PTPN9: variants seen among roughly 807,000 people sequenced by gnomAD.
PTPN9 encodes protein tyrosine phosphatase non-receptor type 9.
In PTPN9, 26 loss-of-function variants were observed where a neutral mutation model predicts 69.8. The ratio of observed to expected loss-of-function variants is 0.37; its 90% CI spans 0.27 to 0.52. PTPN9 has a LOEUF of 0.52. Ranked by LOEUF, PTPN9 falls within the 20% of genes least tolerant of loss-of-function variation. The pLI, the probability that PTPN9 is intolerant of heterozygous loss-of-function variation, is 0.91. For missense variants in PTPN9, 549 were observed against 740.3 expected (o/e 0.74, Z 3.00); for synonymous variants, 274 against 272.5 (o/e 1.01, Z -0.05).
At chr15:75,501,905 C>T (rs542483655) in intron 7 of PTPN9, among the ~76,000 whole-genome samples, 1 of 152,208 alleles carries the variant, frequency 6.6e-6, no homozygotes, top group South Asian at 2.1e-4. Flanking sequence ...CACCTGTAAT[C>T]CCAACACTTT....
rs71140170 is a variant in PTPN9, at chr15:75,547,294, C to CA, written c.64-20034dup. On this transcript the variant is annotated intron_variant, in intron 1 of 12. Coordinates refer to ENST00000618819, the MANE Select transcript of PTPN9 (RefSeq NM_002833.4). ...TGGCCGACAGAGCAAGACTCTGTCT[C>CA]AAAAAAAAAAAAAAAAAAAAAAGGC... 2.6e-3 allele frequency among the ~76,000 whole-genome samples: 156 copies of CA among 60,016 alleles called. 3 individuals are homozygous for CA. The highest frequency in any genetic ancestry group is 4.4e-3 in the African/African-American group (64 of 14,540). The allele number at this position is 60,016 out of a possible 152,430, so 39.4% of individuals were successfully genotyped here. A position where few individuals can be genotyped will look rare whatever the true frequency, so the allele number is the denominator to read the frequency against.
At chr15:75,513,520 A>G (rs1339238309) in intron 5 of PTPN9, 3 of 410,004 alleles carry the variant, frequency 7.3e-6, no homozygotes, top group Non-Finnish European at 1.5e-5. Context: ...TAATCCCAGG[A>G]CTTTGAGAGG....
At chr15:75,544,248 T>C (rs573421555) in intron 1 of PTPN9, among the ~76,000 whole-genome samples, 1 of 152,218 alleles carries the variant, frequency 6.6e-6, no homozygotes, top group African/African-American at 2.4e-5. Flanking sequence ...AACAAGCAGC[T>C]CCTGGCCAGG....
chr15:75,474,856 C>T (rs2074587124), intron 9 of PTPN9, among the ~76,000 whole-genome samples: 1 of 152,128 alleles, frequency 6.6e-6, no homozygotes, highest in South Asian at 2.1e-4. Context: ...GAAACCCCAC[C>T]AGTTTAATCT....
chr15:75,548,177 G>A (rs773777839), intron 1 of PTPN9, among the ~76,000 whole-genome samples: 4 of 151,988 alleles, frequency 2.6e-5, no homozygotes, highest in Non-Finnish European at 5.9e-5. Context: ...TGACTCTAGA[G>A]AATCCACATT....
At chr15:75,482,564 C>CAAAAAAAAAAA (rs145653223) in intron 8 of PTPN9, among the ~76,000 whole-genome samples, 2 of 35,388 alleles carry the variant, frequency 5.7e-5, no homozygotes, top group Non-Finnish European at 1.0e-4. Flanking sequence ...GACTCCGTCT[C>CAAAAAAAAAAA]AAAAAAAAAA....
chr15:75,530,575 A>T (rs1488000282), intron 1 of PTPN9, among the ~76,000 whole-genome samples: 1 of 82,698 alleles, frequency 1.2e-5, no homozygotes, highest in African/African-American at 5.1e-5. Flanking sequence ...TTATATTATA[A>T]TATACTATAA....
intron 7 of PTPN9, among the ~76,000 whole-genome samples, chr15:75,493,695 AG>A (rs978417380): frequency 1.3e-5 from 2 of 152,070 alleles, no homozygotes; most frequent in Non-Finnish European, 2.9e-5. Context: ...CGGGAAATGG[AG>A]GTTGCAGTGA....
intron 1 of PTPN9, among the ~76,000 whole-genome samples, chr15:75,575,707 C>G (rs2075169244): frequency 6.6e-6 from 1 of 151,050 alleles, no homozygotes; most frequent in African/African-American, 2.4e-5. Flanking sequence ...ATCATGAGGT[C>G]AGGAGATCGA....
At chr15:75,550,539 G>A (rs2075052799) in intron 1 of PTPN9, among the ~76,000 whole-genome samples, 1 of 150,428 alleles carries the variant, frequency 6.6e-6, no homozygotes, top group Non-Finnish European at 1.5e-5. Flanking sequence ...TGTAATCCCA[G>A]CACTTTGGGA....
Position 75,552,024 on chromosome 15 carries a change from A to G in PTPN9, c.64-24763T>C, listed in dbSNP as rs144126797. 2.1e-3 allele frequency among the ~76,000 whole-genome samples: 317 copies of G among 151,478 alleles called. 2 individuals are homozygous for G. Among genetic ancestry groups the G allele is most frequent in the African/African-American group, 6.9e-3 (285 of 41,248 alleles). On this transcript the variant is annotated intron_variant, in intron 1 of 12. Transcript: ENST00000618819. ...ACCATTGCACTCCAGCCCGGGTGAC[A>G]GAGTGAGACTCCATCTCAAAAAAAA...
At chr15:75,530,239 AGAAAAAGAAAGGGAG>A (rs1397312643) in intron 1 of PTPN9, among the ~76,000 whole-genome samples, 1 of 142,802 alleles carries the variant, frequency 7.0e-6, no homozygotes, top group East Asian at 2.0e-4. Context: ...AAAGAAAGAA[AGAAAAAGAAAGGGAG>A]GGCTAGGCAC....
intron 1 of PTPN9, among the ~76,000 whole-genome samples, chr15:75,567,890 G>A (rs2075133079): frequency 6.6e-6 from 1 of 151,916 alleles, no homozygotes; most frequent in African/African-American, 2.4e-5. Flanking sequence ...CAGCTACTCA[G>A]GAGACTGAGG....
Position 75,505,955 on chromosome 15 carries a change from A to T in PTPN9, c.688T>A (p.Cys230Ser). 2 of 1,613,896 alleles carry T rather than the reference A, an allele frequency of 1.2e-6. No homozygotes were observed. Among genetic ancestry groups the T allele is most frequent in the South Asian group, 1.1e-5 (1 of 91,058 alleles). The stretch of plus-strand genomic sequence containing the variant: ...TACCCACCCAGGTTTTCTGGAAGAC[A>T]CTCCCTGGGCAGATGCTGCGTGACC... Reference protein sequence around the residue: ...SEVTQHLPRECLPENLGGYVK... With the variant: ...SEVTQHLPRESLPENLGGYVK... The change falls in exon 7 of 13, where the codon TGT (cysteine) becomes AGT (serine). Residue 230 changes from cysteine (C) to serine (S), a missense_variant. Coordinates refer to ENST00000618819, the MANE Select transcript of PTPN9 (RefSeq NM_002833.4).
chr15:75,567,160 C>T (rs766761907), intron 1 of PTPN9, among the ~76,000 whole-genome samples: 4 of 151,854 alleles, frequency 2.6e-5, no homozygotes, highest in African/African-American at 7.3e-5. Flanking sequence ...CAATTACAGG[C>T]GTACACCACC....
At chr15:75,559,195 AG>A (rs2075092267) in intron 1 of PTPN9, among the ~76,000 whole-genome samples, 2 of 150,534 alleles carry the variant, frequency 1.3e-5, no homozygotes, top group Non-Finnish European at 3.0e-5. Flanking sequence ...CTAAGTGAGG[AG>A]CCCCTCCGCC....
At chr15:75,547,556 C>G (rs1188778301) in intron 1 of PTPN9, among the ~76,000 whole-genome samples, 1 of 152,136 alleles carries the variant, frequency 6.6e-6, no homozygotes, top group Non-Finnish European at 1.5e-5. Flanking sequence ...CCTATGCTGT[C>G]TCGCATGATC....
chr15:75,569,141 A>G (rs2075138318), intron 1 of PTPN9, among the ~76,000 whole-genome samples: 1 of 152,170 alleles, frequency 6.6e-6, no homozygotes, highest in South Asian at 2.1e-4. Context: ...CTGATATACC[A>G]AGGCAGGATG....
Position 75,506,013 on chromosome 15 carries a change from T to C in PTPN9, c.640-10A>G. ...TCTTTAATATTTGAATCTGGAAGGT[T>C]AGAAAGAACCATGTGAGTATGTGGG... On this transcript the variant is annotated splice_polypyrimidine_tract_variant and intron_variant, in intron 6 of 12. Coordinates refer to ENST00000618819, the MANE Select transcript of PTPN9 (RefSeq NM_002833.4). 6.3e-7 allele frequency: 1 copy of C among 1,590,372 alleles called. No homozygotes were observed. The highest frequency in any genetic ancestry group is 1.7e-4 in the Middle Eastern group (1 of 5,986).
Sources: allele counts gnomAD v4.1 joint callset (sites outside exome capture counted in the v4.1 genomes callset), GRCh38; gene constraint gnomAD v4.1.1; transcripts MANE v1.5; gene names NCBI Gene and HGNC (gene_info 2026-07-23, HGNC 2026-07-21).